Variants in MRPL3 observed in about 807,000 individuals in gnomAD.
MRPL3 encodes the protein large ribosomal subunit protein uL3m.
MRPL3 carries 43 observed loss-of-function variants against 44.3 expected under a neutral mutation model. The ratio of observed to expected loss-of-function variants is 0.97; its 90% CI spans 0.76 to 1.25. MRPL3 has a LOEUF of 1.25. Ranked by LOEUF, MRPL3 falls within the 50% of genes most tolerant of loss-of-function variation. The pLI is 0.00. For missense variants in MRPL3, 406 were observed against 427.6 expected, an observed-to-expected ratio of 0.95 and a Z score of 0.45; for synonymous variants, 171 against 152.3, an observed-to-expected ratio of 1.12 and a Z score of -0.91.
chr3:131,481,533 G>C (rs921004069), intron 6 of MRPL3, among the ~76,000 whole-genome samples: 1 of 152,174 alleles, frequency 6.6e-6, no homozygotes, highest in African/African-American at 2.4e-5. Flanking sequence ...CTAGGTCACA[G>C]AGCTACTGAA....
chr3:131,472,469 A>G (rs769113572), intron 6 of MRPL3, among the ~76,000 whole-genome samples: 8 of 152,210 alleles, frequency 5.3e-5, no homozygotes, highest in Non-Finnish European at 7.4e-5. Context: ...TTGAAACAAC[A>G]AAGGCCATAT....
Position 131,462,758 on chromosome 3 carries a change from A to G in MRPL3, c.1012T>C (p.Cys338Arg). 6.2e-7 allele frequency: 1 copy of G among 1,612,766 alleles called. No individual in the cohort carries two copies. The highest frequency in any genetic ancestry group is 8.5e-7 in the Non-Finnish European group (1 of 1,179,226). ...LPEDLYDENV[C>R]QPGAPSITFA is the part of the protein sequence containing the mutation. The stretch of plus-strand genomic sequence containing the variant: ...GTAATAGAAGGCGCACCGGGCTGAC[A>G]CACGTTTTCATCATACAAATCTTCT... Residue 338 changes from cysteine (C) to arginine (R), a missense_variant, in exon 10 of 10, where the codon TGT becomes CGT. By Grantham distance (180) the Cys-to-Arg change is radical (BLOSUM62 -3). Transcript: ENST00000264995.
At chr3:131,500,292 A>G in intron 3 of MRPL3, 138 bp downstream of exon 3, 1 of 652,722 alleles carries the variant, frequency 1.5e-6, no homozygotes, top group Non-Finnish European at 2.6e-6. Flanking sequence ...AAGTTCTTTA[A>G]TACTATTTAT....
chr3:131,494,726 C>T (rs1405760904), intron 4 of MRPL3, among the ~76,000 whole-genome samples: 2 of 152,098 alleles, frequency 1.3e-5, no homozygotes, highest in Non-Finnish European at 2.9e-5. Flanking sequence ...TATTATAAAA[C>T]TAATTAGGTC....
At chr3:131,466,539 TA>T (rs921281955) in intron 9 of MRPL3, among the ~76,000 whole-genome samples, 3 of 152,032 alleles carry the variant, frequency 2.0e-5, no homozygotes, top group Non-Finnish European at 2.9e-5. Context: ...GAAAAACACT[TA>T]AAAGATATAA....
intron 5 of MRPL3, 63 bp downstream of exon 5, chr3:131,489,918 G>A: frequency 1.0e-6 from 1 of 962,466 alleles, no homozygotes; most frequent in South Asian, 1.4e-5. Context: ...TGAAAGGGCT[G>A]ACATTAAACA....
At chr3:131,480,508 T>C (rs188288963) in intron 6 of MRPL3, among the ~76,000 whole-genome samples, 301 of 152,338 alleles carry the variant, frequency 2.0e-3, no homozygotes, top group African/African-American at 6.9e-3. Context: ...CTGGGAACAT[T>C]TTTATCAACA....
Position 131,502,961 on chromosome 3 carries a change from A to G in MRPL3, c.-140T>C, listed in dbSNP as rs1442183941. 8.8e-6 allele frequency: 7 copies of G among 793,084 alleles called. No homozygotes were observed. Among genetic ancestry groups the G allele is most frequent in the Non-Finnish European group, 1.5e-5 (7 of 468,920 alleles). 49.1% of individuals were successfully genotyped at this position (793,084 alleles called of 1,614,324 possible). ...TGGCCGCCGGAACGGTCGCCGGCCG[A>G]TGCTCTCTGCGACGGAAAGAAAGCC... On this transcript the variant is annotated 5_prime_UTR_variant, in exon 1 of 10. Coordinates refer to ENST00000264995, the MANE Select transcript of MRPL3 (RefSeq NM_007208.4).
intron 1 of MRPL3, 62 bp downstream of exon 1, chr3:131,502,668 C>G (rs917665018): frequency 9.1e-6 from 13 of 1,433,332 alleles, no homozygotes; most frequent in Non-Finnish European, 1.2e-5. Flanking sequence ...CCCAACTGCA[C>G]CAGGCCATTC....
rs1933510549 is a variant in MRPL3 at position 131,462,445 on chromosome 3, T to C, written c.*278A>G. ...ATCTTAAGATAACTTGGGAAATATG[T>C]AGTAAAAAAGAATCGAGTCCACAAA... On this transcript the variant is annotated 3_prime_UTR_variant, in exon 10 of 10. Transcript: ENST00000264995. The C allele has an allele frequency of 3.8e-6, 1 of 262,046 alleles. No individual in the cohort carries two copies. The allele number at this position is 262,046 out of a possible 1,614,324, so 16.2% of individuals were successfully genotyped here.
At chr3:131,475,504 A>T (rs1339627785) in intron 6 of MRPL3, among the ~76,000 whole-genome samples, 1 of 152,204 alleles carries the variant, frequency 6.6e-6, no homozygotes, top group Non-Finnish European at 1.5e-5. Flanking sequence ...AACAAAAATG[A>T]TACATTACAT....
intron 6 of MRPL3, chr3:131,487,195 C>T (rs1934145011): frequency 6.5e-6 from 1 of 154,628 alleles, no homozygotes; most frequent in African/African-American, 2.4e-5. Flanking sequence ...CAAACTATCA[C>T]AAGGACAGAA....
intron 9 of MRPL3, among the ~76,000 whole-genome samples, chr3:131,463,380 CAA>C (rs34853974): frequency 1.8e-4 from 23 of 126,192 alleles, no homozygotes; most frequent in Admixed American, 1.6e-4. Flanking sequence ...GTCACATGGT[CAA>C]AAAAAAAAAA....
At position 131,499,341 on chromosome 3, in the gene MRPL3, C is replaced by T. The variant is rs1413351952; in HGVS notation, c.370-1064G>A. On this transcript the variant is annotated intron_variant, in intron 3 of 9. Transcript: ENST00000264995. ...TAGTTTGTTGGCGTTAAGTGTGATG[C>T]TGCTGCTCAAGTTTTCTAGTAATAC... Among the ~76,000 whole-genome samples the T allele has an allele frequency of 2.0e-5, 3 of 152,190 alleles. 1 individual carries two copies. Among genetic ancestry groups the T allele is most frequent in the African/African-American group, 7.2e-5 (3 of 41,444 alleles).
intron 6 of MRPL3, among the ~76,000 whole-genome samples, chr3:131,473,943 T>C (rs912211341): frequency 5.5e-4 from 84 of 152,254 alleles, no homozygotes; most frequent in African/African-American, 1.9e-3. Context: ...AGAGAACACA[T>C]ACACTGTTAG....
intron 2 of MRPL3, 42 bp downstream of exon 2, chr3:131,501,489 A>G (rs1934495872): frequency 1.4e-6 from 2 of 1,478,264 alleles, no homozygotes; most frequent in South Asian, 1.2e-5. Context: ...CCAGCCACAC[A>G]GTAATTAGGA....
Position 131,462,696 on chromosome 3 carries a change from T to C in MRPL3, c.*27A>G, listed in dbSNP as rs1438532012. ...CTGGCTCATCGAAGCTCACAGAATA[T>C]GTAAGGTTCTGCCACGTCCAAAGAT... On this transcript the variant is annotated 3_prime_UTR_variant, in exon 10 of 10. Coordinates refer to ENST00000264995, the MANE Select transcript of MRPL3 (RefSeq NM_007208.4). 5 of 1,594,078 alleles carry C rather than the reference T, an allele frequency of 3.1e-6. No homozygotes were observed. Among genetic ancestry groups the C allele is most frequent in the East Asian group, 2.3e-5 (1 of 44,390 alleles).
intron 6 of MRPL3, among the ~76,000 whole-genome samples, chr3:131,483,421 T>C (rs1934040437): frequency 6.6e-6 from 1 of 152,166 alleles, no homozygotes; most frequent in Admixed American, 6.5e-5. Context: ...GATGTAAAAA[T>C]CTTCCCCATA....
At chr3:131,499,359 A>G (rs928546288) in intron 3 of MRPL3, among the ~76,000 whole-genome samples, 2 of 152,192 alleles carry the variant, frequency 1.3e-5, no homozygotes, top group Non-Finnish European at 2.9e-5. Flanking sequence ...CAAGTTTTCT[A>G]GTAATACTTG....
Sources: gnomAD v4.1 joint callset for allele counts (sites outside exome capture counted in the v4.1 genomes callset) on GRCh38, gnomAD v4.1.1 for gene constraint, MANE v1.5 for transcripts, NCBI Gene and HGNC (gene_info 2026-07-23, HGNC 2026-07-21) for gene names.